The following OLAH variants were observed in gnomAD, a reference collection of about 807,000 sequenced individuals.
OLAH encodes the protein S-acyl fatty acid synthase thioesterase, medium chain.
OLAH carries 33 observed loss-of-function variants against 27.8 expected under a neutral mutation model. That is an observed-to-expected ratio of 1.19 (90% confidence interval 0.90 to 1.59). The LOEUF (loss-of-function observed/expected upper bound fraction) is 1.59. Among genes scored for constraint, OLAH ranks in the 40% most tolerant of loss-of-function variants. OLAH has a pLI of 0.00. For synonymous variants in OLAH, 120 were observed against 102.9 expected (o/e 1.17, Z -1.01); for missense variants, 359 against 310.8 (o/e 1.16, Z -1.17).
Position 15,054,123 on chromosome 10 carries a change from C to T in OLAH, c.163+4358C>T, listed in dbSNP as rs1844200872. Among the ~76,000 whole-genome samples, 4 of 151,406 alleles carry T rather than the reference C, an allele frequency of 2.6e-5. No individual in the cohort carries two copies. In the Admixed American group the frequency reaches 2.6e-4, roughly 10 times the overall value. ...GCGCAATCTCAGCTCACTGCAACCT[C>T]TGTCTCCCAGGTTCAAGCAATTCTC... On this transcript the variant is annotated intron_variant, in intron 3 of 7. Transcript: ENST00000378228.
upstream of OLAH, among the ~76,000 whole-genome samples, chr10:15,039,879 T>C (rs4556439): frequency 0.29 from 43,602 of 152,018 alleles, 6,609 homozygotes; most frequent in East Asian, 0.5. Context: ...TTATGAGGAA[T>C]CAAAAAGGTC....
intron 5 of OLAH, among the ~76,000 whole-genome samples, chr10:15,064,841 G>C (rs941446483): frequency 2.6e-4 from 39 of 152,146 alleles, no homozygotes; most frequent in Middle Eastern, 3.2e-3. Flanking sequence ...ATTTTTAGTA[G>C]AGATGGGGTT....
At chr10:15,034,770 T>G (rs9664013) in intron 1 of OLAH, among the ~76,000 whole-genome samples, 68,352 of 150,954 alleles carry the variant, frequency 0.45, 15,823 homozygotes, top group East Asian at 0.68. Context: ...AAGACTGTAC[T>G]GCAGACAGTT....
intron 3 of OLAH, chr10:15,056,990 T>G: frequency 7.1e-7 from 1 of 1,409,920 alleles, no homozygotes. Flanking sequence ...TTAGTAGGTT[T>G]TTTGTGTTGA....
chr10:15,049,100 CT>C (rs752500462), intron 2 of OLAH, among the ~76,000 whole-genome samples: 245 of 55,334 alleles, frequency 4.4e-3, no homozygotes, highest in African/African-American at 0.011. Flanking sequence ...GAGACTATGT[CT>C]TTTTTTTTTT....
intron 1 of OLAH, among the ~76,000 whole-genome samples, chr10:15,034,088 G>C (rs1365071113): frequency 4.7e-5 from 7 of 150,412 alleles, no homozygotes; most frequent in Non-Finnish European, 7.4e-5. Context: ...CTAGAGGAAA[G>C]GGCAGACTCC....
Position 15,073,277 on chromosome 10 carries a change from TCTC to T in OLAH, c.*49_*51del, listed in dbSNP as rs781131267. ...AATAATCAAAGTAATATCATACTCT[TCTC>T]AGTTATTCAGATATAGCTCAGTTTT... On this transcript the variant is annotated 3_prime_UTR_variant, in exon 8 of 8. Transcript: ENST00000378228. 12 of 1,248,048 alleles carry T rather than the reference TCTC, an allele frequency of 9.6e-6. No individual in the cohort carries two copies. The highest frequency in any genetic ancestry group is 1.3e-5 in the Non-Finnish European group (11 of 876,606). The allele number at this position is 1,248,048 out of a possible 1,614,324, so 77.3% of individuals were successfully genotyped here. A position where few individuals can be genotyped will look rare whatever the true frequency, so the allele number is the denominator to read the frequency against.
chr10:15,064,457 A>T lies in OLAH; in HGVS notation c.357A>T (p.Gln119His), dbSNP rs1378396574. 1 of 1,596,704 alleles carries T rather than the reference A, an allele frequency of 6.3e-7. No individual in the cohort carries two copies. The highest frequency in any genetic ancestry group is 2.3e-5 in the East Asian group (1 of 43,746). ...CACTAGGTCTAAAAGAAAACAATCA[A>T]CCAGAACCATTGCATTTATTTTTGT... ...RTALGLKENN[Q>H]PEPLHLFLSS... Residue 119 changes from glutamine to histidine, a missense_variant, in exon 5 of 8, where the codon CAA becomes CAT. Transcript: ENST00000378228.
intron 3 of OLAH, among the ~76,000 whole-genome samples, chr10:15,052,874 T>C (rs1844173793): frequency 1.3e-5 from 2 of 151,420 alleles, no homozygotes; most frequent in African/African-American, 4.9e-5. Flanking sequence ...TCCTGAGTAG[T>C]TGGGAATACA....
intron 3 of OLAH, among the ~76,000 whole-genome samples, chr10:15,056,440 T>C (rs1844246494): frequency 6.6e-6 from 1 of 152,198 alleles, no homozygotes; most frequent in South Asian, 2.1e-4. Flanking sequence ...AAAATTCTTA[T>C]TGCTCTATAT....
chr10:15,065,078 G>A (rs11259457), intron 5 of OLAH, among the ~76,000 whole-genome samples: 38,679 of 152,126 alleles, frequency 0.25, 5,085 homozygotes, highest in East Asian at 0.39. Context: ...CACTTCAGCT[G>A]TTTCCTACTG....
intron 1 of OLAH, among the ~76,000 whole-genome samples, chr10:15,037,208 A>C (rs1843854049): frequency 6.6e-6 from 1 of 152,218 alleles, no homozygotes; most frequent in Non-Finnish European, 1.5e-5. Context: ...TAAAACAAGA[A>C]AACAAAGAGC....
At chr10:15,056,531 A>G (rs540197655) in intron 3 of OLAH, among the ~76,000 whole-genome samples, 1 of 152,316 alleles carries the variant, frequency 6.6e-6, no homozygotes, top group Admixed American at 6.5e-5. Flanking sequence ...ATTACAAGTA[A>G]GATTAGACAT....
intron 1 of OLAH, chr10:15,032,415 C>T (rs557224126): frequency 6.7e-6 from 1 of 148,950 alleles, no homozygotes; most frequent in Non-Finnish European, 1.5e-5. Flanking sequence ...TTCTGTCCCT[C>T]TAGAGAACCC....
Position 15,073,289 on chromosome 10 carries a change from A to G in OLAH, c.*60A>G. On this transcript the variant is annotated 3_prime_UTR_variant, in exon 8 of 8. Transcript: ENST00000378228. ...AATATCATACTCTTCTCAGTTATTCAGATATAGCTCAGTTTTATTCAGATT... is the reference window on the plus strand; with the variant it reads ...AATATCATACTCTTCTCAGTTATTCGGATATAGCTCAGTTTTATTCAGATT... 2.7e-6 allele frequency: 3 copies of G among 1,118,728 alleles called. No homozygotes were observed. Among genetic ancestry groups the G allele is most frequent in the Non-Finnish European group, 3.9e-6 (3 of 768,152 alleles). 69.3% of individuals were successfully genotyped at this position (1,118,728 alleles called of 1,614,324 possible).
At chr10:15,060,581 G>C (rs920872237) in intron 3 of OLAH, among the ~76,000 whole-genome samples, 8 of 151,820 alleles carry the variant, frequency 5.3e-5, no homozygotes, top group Admixed American at 1.3e-4. Flanking sequence ...AAATTTTTCA[G>C]ATATTTTACA....
chr10:15,056,749 G>A (rs1421358130), intron 3 of OLAH: 1 of 1,271,508 alleles, frequency 7.9e-7, no homozygotes, highest in Non-Finnish European at 9.9e-7. Context: ...TCCCACCTCA[G>A]CCTCCTGAGT....
At chr10:15,047,538 T>C (rs1189168846) in intron 2 of OLAH, among the ~76,000 whole-genome samples, 4 of 152,088 alleles carry the variant, frequency 2.6e-5, no homozygotes, top group African/African-American at 9.7e-5. Flanking sequence ...CTACTAAAAA[T>C]ACCAAAAATT....
chr10:15,059,336 A>C (rs1844317165), intron 3 of OLAH, among the ~76,000 whole-genome samples: 1 of 149,926 alleles, frequency 6.7e-6, no homozygotes, highest in Non-Finnish European at 1.5e-5. Context: ...ACAGATGTGC[A>C]CCACCACACT....
Sources: allele counts gnomAD v4.1 joint callset (sites outside exome capture counted in the v4.1 genomes callset), GRCh38; gene constraint gnomAD v4.1.1; transcripts MANE v1.5; gene names NCBI Gene and HGNC (gene_info 2026-07-23, HGNC 2026-07-21).